The following MYO1D variants were observed in gnomAD, a reference collection of about 807,000 sequenced individuals.
MYO1D encodes the protein myosin ID.
In MYO1D, 83 loss-of-function variants were observed where a neutral mutation model predicts 122.0. That is an observed-to-expected ratio of 0.68 (90% CI 0.57 to 0.82). The LOEUF (loss-of-function observed/expected upper bound fraction) is 0.82, where lower values mean the gene tolerates loss of function less well. MYO1D is among the 40% of genes least tolerant of loss of function. The pLI, the probability that MYO1D is intolerant of heterozygous loss-of-function variation, is 0.00. For synonymous variants in MYO1D, 464 were observed against 446.9 expected, an observed-to-expected ratio of 1.04 and a Z score of -0.48; for missense variants, 1,157 against 1,269.5, an observed-to-expected ratio of 0.91 and a Z score of 1.35.
At chr17:32,568,204 G>C (rs1212627145) in intron 21 of MYO1D, among the ~76,000 whole-genome samples, 1 of 92,326 alleles carries the variant, frequency 1.1e-5, no homozygotes, top group Non-Finnish European at 2.2e-5. Flanking sequence ...AAAAAAAAAG[G>C]CTGGTGTCAG....
chr17:32,676,569 T>C (rs1338731471), intron 16 of MYO1D, among the ~76,000 whole-genome samples: 2 of 152,120 alleles, frequency 1.3e-5, no homozygotes, highest in Non-Finnish European at 2.9e-5. Context: ...TCTGAGAGAA[T>C]GTCCAAGGGA....
At chr17:32,691,259 CA>C (rs35755676) in intron 16 of MYO1D, among the ~76,000 whole-genome samples, 51,215 of 121,868 alleles carry the variant, frequency 0.42, 9,437 homozygotes, top group East Asian at 0.56. Context: ...GACACTGCCT[CA>C]AAAAAAAAAA....
At chr17:32,840,407 T>TA (rs11409725) in intron 1 of MYO1D, among the ~76,000 whole-genome samples, 101,402 of 152,014 alleles carry the variant, frequency 0.67, 33,968 homozygotes, top group Middle Eastern at 0.78. Flanking sequence ...TACAGCTTTT[T>TA]ACCTGGGTTC....
intron 21 of MYO1D, among the ~76,000 whole-genome samples, chr17:32,570,049 G>A (rs1466103189): frequency 6.6e-6 from 1 of 152,190 alleles, no homozygotes; most frequent in Non-Finnish European, 1.5e-5. Flanking sequence ...ATATTCCTCT[G>A]CTGGTCTTTA....
intron 20 of MYO1D, among the ~76,000 whole-genome samples, chr17:32,636,129 A>T (rs1017749554): frequency 6.6e-6 from 1 of 152,136 alleles, no homozygotes; most frequent in Admixed American, 6.5e-5. Flanking sequence ...CTCGACTCAT[A>T]ATTTCAGCCT....
At chr17:32,750,933 A>T (rs2089892337) in intron 11 of MYO1D, among the ~76,000 whole-genome samples, 1 of 152,158 alleles carries the variant, frequency 6.6e-6, no homozygotes, top group Non-Finnish European at 1.5e-5. Flanking sequence ...CTCTCTTATT[A>T]ACCCCTTTTA....
At chr17:32,747,881 C>T (rs1463588359) in intron 12 of MYO1D, among the ~76,000 whole-genome samples, 2 of 151,772 alleles carry the variant, frequency 1.3e-5, no homozygotes, top group African/African-American at 4.8e-5. Context: ...GGACAGTTAA[C>T]ACAGACACAC....
intron 1 of MYO1D, among the ~76,000 whole-genome samples, chr17:32,832,776 TA>T (rs1409762939): frequency 6.6e-6 from 1 of 152,212 alleles, no homozygotes; most frequent in African/African-American, 2.4e-5. Context: ...AAACGAAAAG[TA>T]AATGTAAAGA....
At chr17:32,530,590 C>T (rs772501062) in intron 21 of MYO1D, among the ~76,000 whole-genome samples, 4 of 152,072 alleles carry the variant, frequency 2.6e-5, no homozygotes, top group Non-Finnish European at 5.9e-5. Context: ...CACTTGAGTC[C>T]AGGAGTTTGA....
At chr17:32,556,441 G>T (rs1202101079) in intron 21 of MYO1D, among the ~76,000 whole-genome samples, 2 of 152,126 alleles carry the variant, frequency 1.3e-5, no homozygotes, top group Non-Finnish European at 2.9e-5. Context: ...AGCCATTCTA[G>T]AATTGAACAG....
At chr17:32,850,239 G>A (rs1214288874) in intron 1 of MYO1D, among the ~76,000 whole-genome samples, 5 of 152,182 alleles carry the variant, frequency 3.3e-5, no homozygotes, top group Non-Finnish European at 7.3e-5. Context: ...GACCATGTAA[G>A]AGAAAACAAT....
Position 32,849,967 on chromosome 17 carries a change from C to T in MYO1D, c.95+26811G>A, listed in dbSNP as rs144485007. Among the ~76,000 whole-genome samples, 4 of 152,184 alleles carry T rather than the reference C, an allele frequency of 2.6e-5. No homozygotes were observed. In the East Asian group the frequency reaches 7.7e-4, roughly 29 times the overall value. On this transcript the variant is annotated intron_variant, in intron 1 of 21. Transcript: ENST00000318217. ...GTAATCCACAAATTACATGTCTAAC[C>T]CTTGAGCTTCTTTTAGAAACTCTCC...
chr17:32,546,186 A>G (rs1381236926), intron 21 of MYO1D, among the ~76,000 whole-genome samples: 1 of 152,110 alleles, frequency 6.6e-6, no homozygotes, highest in Non-Finnish European at 1.5e-5. Flanking sequence ...CCCGGTAGAA[A>G]TGGCTCCCTC....
intron 21 of MYO1D, among the ~76,000 whole-genome samples, chr17:32,600,235 T>C (rs2087547140): frequency 6.6e-6 from 1 of 152,242 alleles, no homozygotes; most frequent in Non-Finnish European, 1.5e-5. Context: ...GTTTCATTTA[T>C]AGAGCACAGG....
At chr17:32,853,353 C>A (rs2091004616) in intron 1 of MYO1D, among the ~76,000 whole-genome samples, 1 of 152,204 alleles carries the variant, frequency 6.6e-6, no homozygotes, top group Admixed American at 6.5e-5. Flanking sequence ...TAATTAAAAT[C>A]CTTCAATGGC....
At chr17:32,569,029 C>T (rs780790321) in intron 21 of MYO1D, among the ~76,000 whole-genome samples, 11 of 152,174 alleles carry the variant, frequency 7.2e-5, no homozygotes, top group South Asian at 2.1e-4. Context: ...GTACATCCTT[C>T]GTGTTCAGAA....
At chr17:32,596,021 C>T (rs187169753) in intron 21 of MYO1D, among the ~76,000 whole-genome samples, 78 of 152,276 alleles carry the variant, frequency 5.1e-4, no homozygotes, top group African/African-American at 1.9e-3. Flanking sequence ...GGTGTCCTTG[C>T]TTCCTGTGTT....
intron 8 of MYO1D, among the ~76,000 whole-genome samples, chr17:32,762,830 T>C (rs569545117): frequency 5.8e-5 from 8 of 137,584 alleles, no homozygotes; most frequent in African/African-American, 8.2e-5. Context: ...GCTGAGATCA[T>C]ACCATTGCAC....
intron 1 of MYO1D, among the ~76,000 whole-genome samples, chr17:32,808,363 T>C (rs1256482160): frequency 6.7e-6 from 1 of 149,324 alleles, no homozygotes; most frequent in Non-Finnish European, 1.5e-5. Context: ...TGAGAGCCTG[T>C]CTCTTTAAAA....
Sources: gnomAD v4.1 joint callset for allele counts (sites outside exome capture counted in the v4.1 genomes callset) on GRCh38, gnomAD v4.1.1 for gene constraint, MANE v1.5 for transcripts, NCBI Gene and HGNC (gene_info 2026-07-23, HGNC 2026-07-21) for gene names.